PTPDC1: variants seen among roughly 807,000 people sequenced by gnomAD.
The protein encoded by PTPDC1 is protein tyrosine phosphatase domain-containing protein 1.
Under a neutral mutation model 75.3 loss-of-function variants are expected in PTPDC1, and 53 were observed. The observed-to-expected ratio is 0.70, with a 90% CI of 0.56 to 0.88. PTPDC1 has a LOEUF of 0.88. Ranked by LOEUF, PTPDC1 falls within the 40% of genes least tolerant of loss-of-function variation. The pLI is 0.00. For synonymous variants in PTPDC1, 349 were observed against 366.2 expected (o/e 0.95, Z 0.54); for missense variants, 925 against 998.6 (o/e 0.93, Z 0.99).
upstream of PTPDC1, among the ~76,000 whole-genome samples, chr9:94,080,988 CTTTTTCTTTTTTTT>C (rs967429754): frequency 1.6e-5 from 2 of 127,556 alleles, no homozygotes; most frequent in Non-Finnish European, 3.2e-5. Context: ...TTTTCTTTTT[CTTTTTCTTTTTTTT>C]TTTTTTTGAG....
chr9:94,065,290 C>T (rs527825454), intron 2 of PTPDC1, among the ~76,000 whole-genome samples: 30 of 152,238 alleles, frequency 2.0e-4, no homozygotes, highest in Non-Finnish European at 3.2e-4. Flanking sequence ...GCCCTTTACT[C>T]GTCCTGACCA....
chr9:94,101,200 G>A, intron 6 of PTPDC1: 1 of 168,694 alleles, frequency 5.9e-6, no homozygotes, highest in Non-Finnish European at 1.3e-5. Flanking sequence ...TCACCAGAAG[G>A]CTGAAAAGGA....
upstream of PTPDC1, among the ~76,000 whole-genome samples, chr9:94,082,017 C>G (rs1238576923): frequency 6.6e-6 from 1 of 152,202 alleles, no homozygotes; most frequent in Non-Finnish European, 1.5e-5. Flanking sequence ...TGGCAGGCAT[C>G]TGTAGTCCCA....
rs756453825 is a variant in PTPDC1 at position 94,097,804 on chromosome 9, G to T, written c.1238G>T (p.Arg413Leu). 6.2e-7 allele frequency: 1 copy of T among 1,614,150 alleles called. No homozygotes were observed. Among genetic ancestry groups the T allele is most frequent in the Admixed American group, 1.7e-5 (1 of 60,018 alleles). Residue 413 changes from arginine (R) to leucine (L), a missense_variant, in exon 6 of 9, where the codon CGA (arginine) becomes CTA (leucine). Physicochemically the swap from Arg to Leu is moderately radical, Grantham distance 102. Coordinates refer to ENST00000620992, the MANE Select transcript of PTPDC1 (RefSeq NM_001253829.2). The stretch of plus-strand genomic sequence containing the variant: ...GCAGTGGCAGCAGATTTTGACAATC[G>T]AGGCATGATTTTCTCCAATGAGCAA... ...PTAVAADFDN[R>L]GMIFSNEQQF...
chr9:94,066,758 A>G (rs1826320456), intron 2 of PTPDC1, among the ~76,000 whole-genome samples: 1 of 151,880 alleles, frequency 6.6e-6, no homozygotes, highest in Non-Finnish European at 1.5e-5. Flanking sequence ...GGGTTTCACC[A>G]TGTTGGCCAG....
rs1014385512 is a variant in PTPDC1 at position 94,037,942 on chromosome 9, C to T, written c.-7+6815C>T. ...ACTGTTAATGTGCAAATATATTTGA[C>T]TATTAAATTATCTCTGTTTTGAGAG... On this transcript the variant is annotated intron_variant, in intron 1 of 9. Coordinates refer to the PTPDC1 transcript ENST00000375360. 4.0e-5 allele frequency: 10 copies of T among 247,190 alleles called. 1 individual carries two copies. The highest frequency in any genetic ancestry group is 1.4e-3 in the Middle Eastern group (1 of 738). 15.3% of individuals were successfully genotyped at this position (247,190 alleles called of 1,614,324 possible).
intron 5 of PTPDC1, among the ~76,000 whole-genome samples, chr9:94,096,720 A>G (rs1827583587): frequency 6.6e-6 from 1 of 152,184 alleles, no homozygotes; most frequent in African/African-American, 2.4e-5. Context: ...GAAGGAAAAC[A>G]CATATTAGTA....
chr9:94,091,011 A>G (rs1253165620), intron 4 of PTPDC1, among the ~76,000 whole-genome samples: 1 of 152,172 alleles, frequency 6.6e-6, no homozygotes, highest in Non-Finnish European at 1.5e-5. Context: ...TAGATATACA[A>G]TCATGTCGTC....
chr9:94,097,682 T>C lies in PTPDC1; in HGVS notation c.1116T>C (p.Ala372=), dbSNP rs1414396267. 2.7e-5 allele frequency: 43 copies of C among 1,614,054 alleles called. No individual in the cohort carries two copies. Among genetic ancestry groups the C allele is most frequent in the Non-Finnish European group, 3.3e-5 (39 of 1,180,044 alleles). Residue 372 remains alanine (A), a synonymous_variant, in exon 6 of 9, where the codon GCT becomes GCC. Coordinates refer to ENST00000620992, the MANE Select transcript of PTPDC1 (RefSeq NM_001253829.2). The part of the protein sequence containing the change: ...KDVSEGPGLS[A]EIEKTMSEMV... ...TGTCCGAAGGACCTGGTCTCTCTGC[T>C]GAAATAGAAAAGACAATGTCTGAGA...
chr9:94,055,739 A>G (rs1194028648), intron 1 of PTPDC1, among the ~76,000 whole-genome samples: 2 of 152,180 alleles, frequency 1.3e-5, no homozygotes, highest in Non-Finnish European at 2.9e-5. Context: ...GAACCCTAGA[A>G]CTTAAAGTAT....
At chr9:94,105,687 G>A (rs1827993737) in intron 8 of PTPDC1, among the ~76,000 whole-genome samples, 2 of 143,122 alleles carry the variant, frequency 1.4e-5, no homozygotes, top group Non-Finnish European at 3.0e-5. Context: ...AAAAAAAAGT[G>A]GCCAGGCATG....
rs551994706 is a variant in PTPDC1 at position 94,084,870 on chromosome 9, T to C, written c.244+96T>C. On this transcript the variant is annotated intron_variant, in intron 1 of 8. Transcript: ENST00000620992. ...TTTATACCTTTTTAAATATTGGCAGTTTATTCTATATTATACTTTTTGCTG... is the reference window on the plus strand; with the variant it reads ...TTTATACCTTTTTAAATATTGGCAGCTTATTCTATATTATACTTTTTGCTG... 1.0e-4 allele frequency: 91 copies of C among 871,154 alleles called. No homozygotes were observed. In the African/African-American group the frequency reaches 1.4e-3, roughly 14 times the overall value. The allele number at this position is 871,154 out of a possible 1,614,324, so 54.0% of individuals were successfully genotyped here.
chr9:94,061,629 G>A (rs1315607240), intron 1 of PTPDC1, among the ~76,000 whole-genome samples: 1 of 152,254 alleles, frequency 6.6e-6, no homozygotes, highest in East Asian at 1.9e-4. Flanking sequence ...GCACCTGCAG[G>A]CTTAACACCA....
chr9:94,069,630 C>T (rs1587867543), intron 2 of PTPDC1, among the ~76,000 whole-genome samples: 1 of 150,422 alleles, frequency 6.6e-6, no homozygotes, highest in East Asian at 2.0e-4. Context: ...AAGCAATTCT[C>T]CTGCCTCAGC....
intron 2 of PTPDC1, among the ~76,000 whole-genome samples, chr9:94,068,488 A>G (rs1826397385): frequency 6.6e-6 from 1 of 152,150 alleles, no homozygotes. Context: ...TAGAAGGGTC[A>G]CAGATAACAC....
chr9:94,059,680 G>A (rs1826067478), intron 1 of PTPDC1, among the ~76,000 whole-genome samples: 2 of 152,156 alleles, frequency 1.3e-5, no homozygotes, highest in African/African-American at 4.8e-5. Context: ...CCCAGCCCCA[G>A]AATAACTAAA....
At position 94,097,429 on chromosome 9, in the gene PTPDC1, T is replaced by G; in HGVS notation, c.863T>G (p.Leu288Arg). Reference sequence around the variant, plus strand: ...AATTCCATACAAACCAGAGGACAGCTCCTCTGTGTAAGGGAATTTACTCAG... The same window carrying G: ...AATTCCATACAAACCAGAGGACAGCGCCTCTGTGTAAGGGAATTTACTCAG... ...RPNSIQTRGQ[L>R]LCVREFTQFL... Residue 288 changes from leucine to arginine, a missense_variant, in exon 6 of 9, where the codon CTC becomes CGC. Leu to Arg is a moderately radical substitution (Grantham distance 102). Coordinates refer to ENST00000620992, the MANE Select transcript of PTPDC1 (RefSeq NM_001253829.2). 6.2e-7 allele frequency: 1 copy of G among 1,614,120 alleles called. No homozygotes were observed. The highest frequency in any genetic ancestry group is 8.5e-7 in the Non-Finnish European group (1 of 1,179,968).
chr9:94,096,992 T>C (rs1827596387), intron 5 of PTPDC1, among the ~76,000 whole-genome samples: 1 of 152,318 alleles, frequency 6.6e-6, no homozygotes. Context: ...GGAGGATAGA[T>C]GGGCCAGATG....
intron 4 of PTPDC1, among the ~76,000 whole-genome samples, chr9:94,092,762 G>A (rs1331414325): frequency 6.8e-6 from 1 of 147,830 alleles, no homozygotes; most frequent in African/African-American, 2.5e-5. Context: ...ATGAATCTTG[G>A]TGCTCCTGTA....
Sources: gnomAD v4.1 joint callset for allele counts (sites outside exome capture counted in the v4.1 genomes callset) on GRCh38, gnomAD v4.1.1 for gene constraint, MANE v1.5 for transcripts, NCBI Gene and HGNC (gene_info 2026-07-23, HGNC 2026-07-21) for gene names.